The following RAPGEF1 variants were observed in gnomAD, a reference collection of about 807,000 sequenced individuals.
RAPGEF1 encodes the protein CRK SH3-binding GNRP.
In RAPGEF1, 33 loss-of-function variants were observed where a neutral mutation model predicts 143.3. That is an observed-to-expected ratio of 0.23 (90% CI 0.17 to 0.31). The LOEUF is 0.31. Among genes scored for constraint, RAPGEF1 ranks in the 10% least tolerant of loss-of-function variants. The probability of loss-of-function intolerance (pLI) is 1.00; values close to 1 mark genes in which losing one functional copy is unlikely to be tolerated. For synonymous variants in RAPGEF1, 629 were observed against 676.5 expected, an observed-to-expected ratio of 0.93 and a Z score of 1.09; for missense variants, 1,199 against 1,645.4, an observed-to-expected ratio of 0.73 and a Z score of 4.69.
intron 1 of RAPGEF1, among the ~76,000 whole-genome samples, chr9:131,700,408 C>G (rs2131109268): frequency 6.6e-6 from 1 of 152,318 alleles, no homozygotes; most frequent in East Asian, 1.9e-4. Flanking sequence ...GTCCCCTTCC[C>G]TGGCTCCTCT....
At chr9:131,603,880 CG>C (rs111703184) in intron 14 of RAPGEF1, 80 bp downstream of exon 14, 74,348 of 828,368 alleles carry the variant, frequency 0.09, 3,750 homozygotes, top group Middle Eastern at 0.22. Flanking sequence ...GAAGCAGGTG[CG>C]GGGGAAGCGG....
chr9:131,590,633 C>T (rs56341874), intron 18 of RAPGEF1, among the ~76,000 whole-genome samples: 41,376 of 152,186 alleles, frequency 0.27, 6,645 homozygotes, highest in Non-Finnish European at 0.36. Context: ...GCCATCGACT[C>T]CCCAGATCTC....
intron 13 of RAPGEF1, among the ~76,000 whole-genome samples, chr9:131,604,500 C>T (rs1350882143): frequency 6.6e-6 from 1 of 152,242 alleles, no homozygotes; most frequent in Non-Finnish European, 1.5e-5. Flanking sequence ...GTCATCGGCA[C>T]CACATGCAAC....
chr9:131,726,063 T>C (rs1256763251), intron 1 of RAPGEF1, among the ~76,000 whole-genome samples: 1 of 151,824 alleles, frequency 6.6e-6, no homozygotes, highest in Non-Finnish European at 1.5e-5. Context: ...CCGGCCAAAA[T>C]TGGGTTGTTT....
chr9:131,616,278 C>CA (rs535962742), intron 12 of RAPGEF1, among the ~76,000 whole-genome samples: 53 of 152,082 alleles, frequency 3.5e-4, no homozygotes, highest in African/African-American at 1.2e-3. Flanking sequence ...AAAACAAAAA[C>CA]AAAAAACCAA....
intron 1 of RAPGEF1, among the ~76,000 whole-genome samples, chr9:131,719,059 C>G (rs557004484): frequency 6.6e-6 from 1 of 152,216 alleles, no homozygotes; most frequent in South Asian, 2.1e-4. Flanking sequence ...GACTTGAACT[C>G]CTGGGTTCAA....
At chr9:131,630,129 C>CA (rs1220538147) in intron 6 of RAPGEF1, 107 bp downstream of exon 6, 5 of 971,028 alleles carry the variant, frequency 5.1e-6, no homozygotes, top group Non-Finnish European at 8.0e-6. Flanking sequence ...TATGGGCCTC[C>CA]AGCAGCCCAC....
At chr9:131,722,470 A>G (rs973274480) in intron 1 of RAPGEF1, among the ~76,000 whole-genome samples, 1 of 152,354 alleles carries the variant, frequency 6.6e-6, no homozygotes, top group East Asian at 1.9e-4. Flanking sequence ...AGGGAAGCCA[A>G]TGCAGAGCTT....
At chr9:131,726,558 A>ACT (rs1301492779) in intron 1 of RAPGEF1, among the ~76,000 whole-genome samples, 1 of 152,032 alleles carries the variant, frequency 6.6e-6, no homozygotes, top group Admixed American at 6.6e-5. Flanking sequence ...CCCAGGAGGC[A>ACT]GAGGTTGCAG....
intron 1 of RAPGEF1, among the ~76,000 whole-genome samples, chr9:131,706,017 T>C (rs919811452): frequency 6.6e-6 from 1 of 152,176 alleles, no homozygotes; most frequent in East Asian, 1.9e-4. Flanking sequence ...CTGGTTAAAG[T>C]CTTATTCTCC....
At chr9:131,597,140 C>G (rs1955439512) in intron 16 of RAPGEF1, among the ~76,000 whole-genome samples, 1 of 152,214 alleles carries the variant, frequency 6.6e-6, no homozygotes, top group Admixed American at 6.5e-5. Flanking sequence ...ATGCTCCTTG[C>G]TCTGTAACGC....
chr9:131,582,567 C>T, intron 25 of RAPGEF1, 38 bp downstream of exon 25: 1 of 1,425,966 alleles, frequency 7.0e-7, no homozygotes, highest in Non-Finnish European at 9.3e-7. Context: ...GGAGGCAAAC[C>T]CAGGCGGGGC....
At chr9:131,719,294 T>C (rs1836085388) in intron 1 of RAPGEF1, among the ~76,000 whole-genome samples, 1 of 152,214 alleles carries the variant, frequency 6.6e-6, no homozygotes, top group Non-Finnish European at 1.5e-5. Context: ...CTTCTGGCCA[T>C]CTCTTGTCAG....
In RAPGEF1 at chr9:131,598,328, T is replaced by C. The variant is rs1207561405; in HGVS notation, c.2502-18A>G. 2 of 1,607,882 alleles carry C rather than the reference T, an allele frequency of 1.2e-6. No homozygotes were observed. Among genetic ancestry groups the C allele is most frequent in the African/African-American group, 1.3e-5 (1 of 74,808 alleles). On this transcript the variant is annotated intron_variant, in intron 15 of 26. Transcript: ENST00000683357. ...TTGGGGCCCTGCGGGGAGAAGTGGT[T>C]TGTGTTGCAAGTGTCAAACCGGCTC... is the stretch of plus-strand genomic sequence containing the variant.
At chr9:131,590,598 G>T (rs978991900) in intron 18 of RAPGEF1, among the ~76,000 whole-genome samples, 1 of 152,188 alleles carries the variant, frequency 6.6e-6, no homozygotes, top group East Asian at 1.9e-4. Context: ...TTGTGGTCAG[G>T]GTTTCCTGCC....
intron 1 of RAPGEF1, among the ~76,000 whole-genome samples, chr9:131,700,763 T>C (rs1834575868): frequency 1.3e-5 from 2 of 152,264 alleles, no homozygotes; most frequent in African/African-American, 4.8e-5. Context: ...TCCATTTGCA[T>C]AGATGGAGAC....
At chr9:131,709,660 C>T in intron 1 of RAPGEF1, 1 of 1,614,014 alleles carries the variant, frequency 6.2e-7, no homozygotes, top group Non-Finnish European at 8.5e-7. Flanking sequence ...TCAAGGGCTT[C>T]TGTTTTTCAA....
At chr9:131,649,090 T>C (rs1159600579) in intron 3 of RAPGEF1, among the ~76,000 whole-genome samples, 2 of 152,086 alleles carry the variant, frequency 1.3e-5, no homozygotes, top group South Asian at 2.1e-4. Flanking sequence ...TGGAGTGCAG[T>C]GGTGTGATCT....
At position 131,626,437 on chromosome 9, in the gene RAPGEF1, G is replaced by A. The variant is rs1159312807; in HGVS notation, c.1202-15C>T. ...ATCATAGTGGTCTGCAGTTACAACA[G>A]GGGAAAAAGAGACCCGTTAGCCACA... On this transcript the variant is annotated splice_polypyrimidine_tract_variant and intron_variant, in intron 9 of 26. Coordinates refer to ENST00000683357, the MANE Select transcript of RAPGEF1 (RefSeq NM_001377935.1). 5 of 1,548,132 alleles carry A rather than the reference G, an allele frequency of 3.2e-6. No homozygotes were observed. The Admixed American group carries it at 6.0e-5, about 18-fold the overall frequency.
Sources: allele counts gnomAD v4.1 joint callset (sites outside exome capture counted in the v4.1 genomes callset), GRCh38; gene constraint gnomAD v4.1.1; transcripts MANE v1.5; gene names NCBI Gene and HGNC (gene_info 2026-07-23, HGNC 2026-07-21).